SIK2: variants seen among roughly 807,000 people sequenced by gnomAD.
SIK2 encodes the protein serine/threonine-protein kinase SIK2.
SIK2 carries 29 observed loss-of-function variants against 103.2 expected under a neutral mutation model. The ratio of observed to expected loss-of-function variants is 0.28; its 90% CI spans 0.21 to 0.38. The LOEUF is 0.38. Ranked by LOEUF, SIK2 falls within the 10% of genes least tolerant of loss-of-function variation. The probability of loss-of-function intolerance (pLI) is 1.00; values close to 1 mark genes in which losing one functional copy is unlikely to be tolerated. For synonymous variants in SIK2, 412 were observed against 446.1 expected (o/e 0.92, Z 0.96); for missense variants, 879 against 1,171.0 (o/e 0.75, Z 3.64).
chr11:111,717,157 G>A (rs1455590763), intron 9 of SIK2, among the ~76,000 whole-genome samples: 2 of 151,466 alleles, frequency 1.3e-5, no homozygotes, highest in Non-Finnish European at 2.9e-5. Flanking sequence ...TACTAAAAAT[G>A]CAAGAAAAAT....
intron 1 of SIK2, among the ~76,000 whole-genome samples, chr11:111,614,592 ATCC>A (rs546701966): frequency 1.1e-3 from 169 of 152,354 alleles, no homozygotes; most frequent in African/African-American, 3.9e-3. Context: ...AAAGGTCTCC[ATCC>A]TCATTATCTT....
intron 3 of SIK2, among the ~76,000 whole-genome samples, chr11:111,640,410 A>T (rs1233633422): frequency 1.2e-4 from 19 of 152,200 alleles, no homozygotes; most frequent in Admixed American, 1.2e-3. Context: ...TTTGCTTTTC[A>T]TTAAATATTG....
chr11:111,678,342 G>C (rs1942733329), intron 3 of SIK2, among the ~76,000 whole-genome samples: 1 of 152,204 alleles, frequency 6.6e-6, no homozygotes, highest in African/African-American at 2.4e-5. Flanking sequence ...TGAGGCCAAA[G>C]TGCCAAGCAT....
chr11:111,720,756 A>G lies in SIK2; in HGVS notation c.1774A>G (p.Thr592Ala). ...CCGCAGAGCATCAGATACCTCCCTCACCCAGGGTGAGCACTTCCTCCTCTG... is the reference window on the plus strand; with the variant it reads ...CCGCAGAGCATCAGATACCTCCCTCGCCCAGGGTGAGCACTTCCTCCTCTG... ...EGRRASDTSL[T>A]QGIVAFRQHL... The change falls in exon 11 of 15, where the codon ACC (threonine) becomes GCC (alanine). Residue 592 changes from threonine (T) to alanine (A), a missense_variant. By Grantham distance (58) the Thr-to-Ala change is moderately conservative (BLOSUM62 0). Coordinates refer to ENST00000304987, the MANE Select transcript of SIK2 (RefSeq NM_015191.3). 6.3e-7 allele frequency: 1 copy of G among 1,586,296 alleles called. No homozygotes were observed. The highest frequency in any genetic ancestry group is 8.6e-7 in the Non-Finnish European group (1 of 1,166,822).
intron 9 of SIK2, chr11:111,718,843 A>C (rs551644807): frequency 6.6e-6 from 1 of 152,372 alleles, no homozygotes; most frequent in Admixed American, 6.5e-5. Context: ...ATTGATTTCC[A>C]CGGGGGAATA....
intron 3 of SIK2, among the ~76,000 whole-genome samples, chr11:111,647,039 T>G (rs1942266620): frequency 6.6e-6 from 1 of 152,232 alleles, no homozygotes; most frequent in Non-Finnish European, 1.5e-5. Flanking sequence ...AAAATATAAG[T>G]ATAGTTTTGT....
rs1329136210 is a variant in SIK2 at position 111,705,141 on chromosome 11, T to C, written c.1101+2T>C. ...ATTGCTGAGCAAACAGTTGCCAAGGTAATGCCCCCTTAGCTGAGAGTCTTA... is the reference window on the plus strand; with the variant it reads ...ATTGCTGAGCAAACAGTTGCCAAGGCAATGCCCCCTTAGCTGAGAGTCTTA... On this transcript the variant is annotated splice_donor_variant, in intron 8 of 14. Coordinates refer to ENST00000304987, the MANE Select transcript of SIK2 (RefSeq NM_015191.3). LOFTEE classifies it high-confidence loss of function. The surrounding 1 kb of genome is among the most constrained non-coding windows in gnomAD (Gnocchi z 4.3). The C allele has an allele frequency of 6.4e-7, 1 of 1,562,402 alleles. No homozygotes were observed. Among genetic ancestry groups the C allele is most frequent in the Non-Finnish European group, 8.6e-7 (1 of 1,163,676 alleles).
chr11:111,606,884 C>T (rs1214283109), intron 1 of SIK2, among the ~76,000 whole-genome samples: 1 of 150,852 alleles, frequency 6.6e-6, no homozygotes, highest in African/African-American at 2.4e-5. Context: ...GAGGCCAATG[C>T]AGATGGGTTG....
chr11:111,676,310 G>C (rs1230546169), intron 3 of SIK2, among the ~76,000 whole-genome samples: 1 of 152,182 alleles, frequency 6.6e-6, no homozygotes, highest in Non-Finnish European at 1.5e-5. Flanking sequence ...CAGCAATTCT[G>C]TTTTATCTTC....
chr11:111,712,348 GGAA>G lies in SIK2; in HGVS notation c.1245_1247del (p.Glu416del), dbSNP rs767235817. The G allele has an allele frequency of 5.6e-6, 9 of 1,614,046 alleles. No individual in the cohort carries two copies. Among genetic ancestry groups the G allele is most frequent in the Non-Finnish European group, 6.8e-6 (8 of 1,180,034 alleles). On this transcript the variant is annotated inframe_deletion, in exon 9 of 15. Transcript: ENST00000304987. ...GCTGTCAGGCGGAAGCTGCATTCAT[GGAA>G]GAAGAGTGTGTGGACACTCCAAAGG...
At position 111,723,820 on chromosome 11, in the gene SIK2, A is replaced by ACCGCCACCACCCCCT. The variant is rs775144772; in HGVS notation, c.2475_2489dup (p.Pro828_Pro832dup). 6.4e-7 allele frequency: 1 copy of ACCGCCACCACCCCCT among 1,560,922 alleles called. No individual in the cohort carries two copies. Among genetic ancestry groups the ACCGCCACCACCCCCT allele is most frequent in the South Asian group, 1.1e-5 (1 of 90,278 alleles). ...CGCAGCTACAGCAGCAGCAGCCGCC[A>ACCGCCACCACCCCCT]CCGCCACCACCCCCTCCACCACCAC... On this transcript the variant is annotated inframe_insertion, in exon 15 of 15. Transcript: ENST00000304987.
chr11:111,629,689 A>G (rs1476184327), intron 3 of SIK2, among the ~76,000 whole-genome samples: 1 of 152,212 alleles, frequency 6.6e-6, no homozygotes, highest in East Asian at 1.9e-4. Flanking sequence ...CAAAAGATAT[A>G]CAAATGGCCA....
At chr11:111,712,540 CTT>C (rs757747568) in intron 9 of SIK2, among the ~76,000 whole-genome samples, 165 bp downstream of exon 9, 4 of 152,188 alleles carry the variant, frequency 2.6e-5, no homozygotes, top group Non-Finnish European at 5.9e-5. Context: ...AGGCTCAACT[CTT>C]GTCAGTGTTT....
intron 8 of SIK2, among the ~76,000 whole-genome samples, chr11:111,706,660 A>G (rs1565376079): frequency 1.3e-5 from 2 of 152,166 alleles, no homozygotes; most frequent in Non-Finnish European, 2.9e-5. Flanking sequence ...TACGTACTTT[A>G]TATATAAAAT....
intron 4 of SIK2, among the ~76,000 whole-genome samples, chr11:111,695,525 T>C (rs1319349473): frequency 1.3e-5 from 2 of 152,354 alleles, no homozygotes; most frequent in Non-Finnish European, 2.9e-5. Flanking sequence ...ACAGTAAACA[T>C]TGACAAACTG....
chr11:111,637,451 AAT>A (rs1323654144), intron 3 of SIK2, among the ~76,000 whole-genome samples: 1 of 148,836 alleles, frequency 6.7e-6, no homozygotes, highest in Non-Finnish European at 1.5e-5. Flanking sequence ...ATCATTTTGT[AAT>A]ATCTTTTTTT....
chr11:111,616,435 A>C, intron 2 of SIK2, 76 bp downstream of exon 2: 1 of 846,732 alleles, frequency 1.2e-6, no homozygotes. Context: ...TTTTCTTCTT[A>C]TATTTGTTTT....
At chr11:111,643,319 C>T (rs1196882635) in intron 3 of SIK2, among the ~76,000 whole-genome samples, 2 of 151,726 alleles carry the variant, frequency 1.3e-5, no homozygotes. Context: ...AGGTTGGGGG[C>T]GAGGGGAGGG....
chr11:111,677,684 C>T (rs1157808172), intron 3 of SIK2, among the ~76,000 whole-genome samples: 3 of 151,660 alleles, frequency 2.0e-5, no homozygotes, highest in East Asian at 1.9e-4. Context: ...CCACCTCAGC[C>T]TCCCAAAGTG....
Sources: allele counts gnomAD v4.1 joint callset (sites outside exome capture counted in the v4.1 genomes callset), GRCh38; gene constraint gnomAD v4.1.1; non-coding constraint Gnocchi (gnomAD v3.1); transcripts MANE v1.5; gene names NCBI Gene and HGNC (gene_info 2026-07-23, HGNC 2026-07-21).